The following WWOX variants were observed in gnomAD, a reference collection of about 807,000 sequenced individuals.
WWOX encodes WW domain containing oxidoreductase.
WWOX carries 69 observed loss-of-function variants against 46.2 expected under a neutral mutation model. The ratio of observed to expected loss-of-function variants is 1.49; its 90% CI spans 1.23 to 1.82. WWOX has a LOEUF of 1.82. Among genes scored for constraint, WWOX ranks in the 40% most tolerant of loss-of-function variants. The pLI, the probability that WWOX is intolerant of heterozygous loss-of-function variation, is 0.00. For synonymous variants in WWOX, 359 were observed against 202.6 expected (o/e 1.77, Z -6.56); for missense variants, 919 against 542.6 (o/e 1.69, Z -6.89).
At chr16:78,656,761 AG>A (rs1441600128) in intron 8 of WWOX, among the ~76,000 whole-genome samples, 1 of 152,156 alleles carries the variant, frequency 6.6e-6, no homozygotes, top group African/African-American at 2.4e-5. Context: ...TCTCCTTACA[AG>A]GGGTTCCTTC....
At chr16:78,746,533 C>A (rs911484613) in intron 8 of WWOX, among the ~76,000 whole-genome samples, 1 of 151,988 alleles carries the variant, frequency 6.6e-6, no homozygotes, top group African/African-American at 2.4e-5. Flanking sequence ...AGCACCCTTG[C>A]CATGGCCTCA....
intron 8 of WWOX, among the ~76,000 whole-genome samples, chr16:78,798,591 GTT>G (rs34236291): frequency 1.4e-4 from 14 of 98,300 alleles, no homozygotes; most frequent in African/African-American, 3.4e-4. Context: ...TTGTTGTTGG[GTT>G]TTTTTTTTTT....
chr16:78,879,263 A>G (rs2044294216), intron 8 of WWOX, among the ~76,000 whole-genome samples: 1 of 152,222 alleles, frequency 6.6e-6, no homozygotes, highest in Non-Finnish European at 1.5e-5. Flanking sequence ...TGACAATGTA[A>G]GAGCAAGTGA....
chr16:78,211,713 T>A (rs1324242329), intron 5 of WWOX, among the ~76,000 whole-genome samples: 5 of 152,162 alleles, frequency 3.3e-5, no homozygotes, highest in African/African-American at 7.2e-5. Flanking sequence ...AGGGTGAGAA[T>A]GAATAACGGA....
chr16:78,730,543 C>G (rs1206322075), intron 8 of WWOX, among the ~76,000 whole-genome samples: 1 of 151,870 alleles, frequency 6.6e-6, no homozygotes, highest in South Asian at 2.1e-4. Context: ...CCTCAACCGC[C>G]TGGTCTCAAA....
chr16:78,362,603 T>C (rs539343726), intron 5 of WWOX, among the ~76,000 whole-genome samples: 30 of 152,078 alleles, frequency 2.0e-4, no homozygotes, highest in African/African-American at 6.5e-4. Context: ...AGCAAGACTC[T>C]ATCTACCCCC....
At chr16:78,703,470 G>C (rs1387741421) in intron 8 of WWOX, among the ~76,000 whole-genome samples, 3 of 151,334 alleles carry the variant, frequency 2.0e-5, no homozygotes, top group Non-Finnish European at 2.9e-5. Context: ...TTTTTAATTA[G>C]CTGGGGATGG....
chr16:78,139,961 C>T (rs1669561071), intron 4 of WWOX, among the ~76,000 whole-genome samples: 1 of 152,134 alleles, frequency 6.6e-6, no homozygotes, highest in African/African-American at 2.4e-5. Context: ...CCCCGTTGGA[C>T]AAGGGCGTCC....
intron 8 of WWOX, among the ~76,000 whole-genome samples, chr16:78,512,676 G>T (rs1053583352): frequency 6.6e-6 from 1 of 152,104 alleles, no homozygotes; most frequent in Non-Finnish European, 1.5e-5. Flanking sequence ...GACTCATTTC[G>T]CAGGTTTTCA....
chr16:78,849,733 A>G (rs768440862), intron 8 of WWOX, among the ~76,000 whole-genome samples: 33 of 152,124 alleles, frequency 2.2e-4, no homozygotes, highest in African/African-American at 4.8e-4. Flanking sequence ...GCAAAGGGCG[A>G]GGTTTATATT....
intron 7 of WWOX, among the ~76,000 whole-genome samples, chr16:78,430,013 C>T (rs1227783980): frequency 6.6e-6 from 1 of 152,134 alleles, no homozygotes; most frequent in Non-Finnish European, 1.5e-5. Flanking sequence ...TGTTCTCATG[C>T]TGCTAAGAAA....
intron 8 of WWOX, among the ~76,000 whole-genome samples, chr16:79,091,952 T>C (rs1442255889): frequency 6.6e-6 from 1 of 151,946 alleles, no homozygotes; most frequent in East Asian, 1.9e-4. Context: ...AGCTAATTTT[T>C]GTATTTTTAG....
At chr16:78,538,063 G>A (rs531499333) in intron 8 of WWOX, among the ~76,000 whole-genome samples, 1 of 151,978 alleles carries the variant, frequency 6.6e-6, no homozygotes, top group African/African-American at 2.4e-5. Context: ...TTCCAGCATG[G>A]TATTTTGAGC....
intron 8 of WWOX, among the ~76,000 whole-genome samples, chr16:78,543,709 C>T (rs1374680840): frequency 4.6e-5 from 7 of 152,162 alleles, no homozygotes; most frequent in Admixed American, 2.0e-4. Flanking sequence ...TTTTGTGCTC[C>T]TTGTCTTGTG....
intron 8 of WWOX, among the ~76,000 whole-genome samples, chr16:78,790,857 A>C (rs1567561788): frequency 6.6e-6 from 1 of 151,720 alleles, no homozygotes; most frequent in Admixed American, 6.6e-5. Flanking sequence ...CATTTCTACA[A>C]AAAATACAAA....
chr16:78,960,024 A>T (rs752699761), intron 8 of WWOX, among the ~76,000 whole-genome samples: 1 of 152,194 alleles, frequency 6.6e-6, no homozygotes, highest in Non-Finnish European at 1.5e-5. Flanking sequence ...TTTGTGCTTT[A>T]GGTCTACCAG....
At chr16:78,610,532 A>T (rs564096440) in intron 8 of WWOX, among the ~76,000 whole-genome samples, 1 of 152,290 alleles carries the variant, frequency 6.6e-6, no homozygotes, top group Admixed American at 6.5e-5. Flanking sequence ...AAGCTGTCTT[A>T]CCTGGACATA....
chr16:78,771,799 A>G (rs1329473069), intron 8 of WWOX, among the ~76,000 whole-genome samples: 1 of 151,504 alleles, frequency 6.6e-6, no homozygotes, highest in Non-Finnish European at 1.5e-5. Context: ...AAATAAATAA[A>G]TAAATAAATA....
intron 8 of WWOX, among the ~76,000 whole-genome samples, chr16:78,515,632 G>C (rs1045152320): frequency 6.6e-6 from 1 of 152,144 alleles, no homozygotes; most frequent in Non-Finnish European, 1.5e-5. Context: ...AGGTGAGATG[G>C]AAAGCTTCCG....
Sources: gnomAD v4.1 joint callset for allele counts (sites outside exome capture counted in the v4.1 genomes callset) on GRCh38, gnomAD v4.1.1 for gene constraint, MANE v1.5 for transcripts, NCBI Gene and HGNC (gene_info 2026-07-23, HGNC 2026-07-21) for gene names.